The following CCSER1 variants were observed in gnomAD, a reference collection of about 807,000 sequenced individuals.
CCSER1 encodes the protein serine-rich coiled-coil domain-containing protein 1.
CCSER1 carries 41 observed loss-of-function variants against 82.0 expected under a neutral mutation model. The observed-to-expected ratio is 0.50, with a 90% CI of 0.39 to 0.65. The LOEUF (loss-of-function observed/expected upper bound fraction) is 0.65. Ranked by LOEUF, CCSER1 falls within the 30% of genes least tolerant of loss-of-function variation. The pLI is 0.00. For missense variants in CCSER1, 1,119 were observed against 1,064.2 expected (o/e 1.05, Z -0.72); for synonymous variants, 414 against 383.9 (o/e 1.08, Z -0.92).
chr4:90,742,721 A>G (rs1439543870), intron 7 of CCSER1, among the ~76,000 whole-genome samples: 3 of 152,240 alleles, frequency 2.0e-5, no homozygotes, highest in African/African-American at 7.2e-5. Flanking sequence ...TAATTTTGCC[A>G]TGCATGAAAT....
intron 9 of CCSER1, among the ~76,000 whole-genome samples, chr4:90,979,258 A>G (rs1168226441): frequency 6.6e-6 from 1 of 151,626 alleles, no homozygotes; most frequent in African/African-American, 2.4e-5. Flanking sequence ...CACATTACCT[A>G]AACATTTATT....
intron 3 of CCSER1, among the ~76,000 whole-genome samples, chr4:90,397,887 T>C (rs6834254): frequency 0.28 from 42,504 of 152,156 alleles, 9,252 homozygotes; most frequent in African/African-American, 0.61. Context: ...AGTTATGTGC[T>C]TTGCATTCAT....
At chr4:91,335,139 A>G (rs1055313797) in intron 10 of CCSER1, among the ~76,000 whole-genome samples, 1 of 152,042 alleles carries the variant, frequency 6.6e-6, no homozygotes, top group Non-Finnish European at 1.5e-5. Context: ...GGCTCTTTAT[A>G]GATTGTTCGT....
At chr4:90,495,893 G>T (rs1768917971) in intron 5 of CCSER1, among the ~76,000 whole-genome samples, 1 of 152,118 alleles carries the variant, frequency 6.6e-6, no homozygotes, top group African/African-American at 2.4e-5. Flanking sequence ...AAACCACTTT[G>T]CTTTTACCAC....
chr4:90,157,325 C>A (rs1728437486), intron 1 of CCSER1, among the ~76,000 whole-genome samples: 4 of 152,144 alleles, frequency 2.6e-5, no homozygotes, highest in African/African-American at 9.7e-5. Context: ...TTCATTTCAA[C>A]TTTGGTGAAT....
intron 10 of CCSER1, among the ~76,000 whole-genome samples, chr4:91,358,325 T>C (rs1489970683): frequency 1.4e-5 from 2 of 142,098 alleles, no homozygotes; most frequent in African/African-American, 5.3e-5. Flanking sequence ...TCCTCAATTC[T>C]TTCTTGAATT....
At chr4:90,363,877 A>G (rs1473787868) in intron 3 of CCSER1, among the ~76,000 whole-genome samples, 3 of 152,130 alleles carry the variant, frequency 2.0e-5, no homozygotes, top group Non-Finnish European at 4.4e-5. Flanking sequence ...TCATTCTGCA[A>G]AAAGATGGGA....
chr4:90,236,298 G>A (rs145072570), intron 1 of CCSER1, among the ~76,000 whole-genome samples: 22 of 152,236 alleles, frequency 1.4e-4, no homozygotes, highest in Middle Eastern at 3.4e-3. Flanking sequence ...TTAACTGAAA[G>A]CAAAAGCCTG....
rs1490211814 is a variant in CCSER1, at chr4:91,104,766, A to C, written c.2217+18772A>C. Among the ~76,000 whole-genome samples the C allele has an allele frequency of 3.3e-5, 5 of 152,190 alleles. No homozygotes were observed. The East Asian group carries it at 9.6e-4, about 29-fold the overall frequency. ...CCTCAAGCCTCCCTTCTTGGCTTGC[A>C]GATGACCACCTTCTTGCTGTGTTCT... On this transcript the variant is annotated intron_variant, in intron 10 of 10. Coordinates refer to ENST00000509176, the MANE Select transcript of CCSER1 (RefSeq NM_001145065.2).
intron 8 of CCSER1, among the ~76,000 whole-genome samples, chr4:90,872,065 G>A (rs1007740900): frequency 1.3e-5 from 2 of 151,604 alleles, no homozygotes; most frequent in Admixed American, 6.6e-5. Flanking sequence ...GTTTATGGGT[G>A]AAGTTTGTAT....
chr4:90,819,866 T>A (rs896032039), intron 8 of CCSER1, among the ~76,000 whole-genome samples: 7 of 152,212 alleles, frequency 4.6e-5, no homozygotes, highest in Non-Finnish European at 8.8e-5. Flanking sequence ...TTTTATTATG[T>A]CCAAAGGGAT....
At chr4:90,738,267 AT>A (rs758066336) in intron 7 of CCSER1, among the ~76,000 whole-genome samples, 6 of 152,038 alleles carry the variant, frequency 3.9e-5, no homozygotes, top group Non-Finnish European at 5.9e-5. Context: ...CTTTCCAGGT[AT>A]TCAAAGGGAC....
At chr4:90,326,055 C>CTTTTT (rs371592827) in intron 3 of CCSER1, among the ~76,000 whole-genome samples, 16 of 111,588 alleles carry the variant, frequency 1.4e-4, no homozygotes, top group East Asian at 2.5e-4. Flanking sequence ...TATGTGATAC[C>CTTTTT]TTTTTTTTTT....
intron 10 of CCSER1, among the ~76,000 whole-genome samples, chr4:91,314,321 A>G (rs1292778349): frequency 1.3e-5 from 2 of 151,832 alleles, no homozygotes; most frequent in Admixed American, 6.6e-5. Context: ...CTTTCCCCAT[A>G]TCTTCCTCAT....
chr4:91,465,440 G>T (rs1756831662), intron 10 of CCSER1, among the ~76,000 whole-genome samples: 1 of 152,076 alleles, frequency 6.6e-6, no homozygotes, highest in South Asian at 2.1e-4. Context: ...ACAATTAAAA[G>T]AACTAGAGAA....
chr4:90,619,657 T>C (rs946218875), intron 5 of CCSER1, among the ~76,000 whole-genome samples: 2 of 152,074 alleles, frequency 1.3e-5, no homozygotes, highest in Admixed American at 1.3e-4. Context: ...GTATTATTAC[T>C]TCAATAATAG....
chr4:91,556,846 G>T (rs1762431001), intron 10 of CCSER1, among the ~76,000 whole-genome samples: 1 of 151,146 alleles, frequency 6.6e-6, no homozygotes, highest in South Asian at 2.1e-4. Flanking sequence ...TTGAATGTAA[G>T]AATTATATGA....
chr4:90,205,430 G>A (rs1437217044), intron 1 of CCSER1, among the ~76,000 whole-genome samples: 8 of 151,892 alleles, frequency 5.3e-5, no homozygotes, highest in African/African-American at 9.7e-5. Flanking sequence ...AGGTATGAAG[G>A]CCTTTTCTGC....
chr4:90,953,363 C>T (rs77057760), intron 9 of CCSER1, among the ~76,000 whole-genome samples: 1,643 of 151,360 alleles, frequency 0.011, 13 homozygotes, highest in Non-Finnish European at 0.018. Context: ...TTTTAACAAA[C>T]ATAAATTTAG....
Sources: gnomAD v4.1 joint callset for allele counts (sites outside exome capture counted in the v4.1 genomes callset) on GRCh38, gnomAD v4.1.1 for gene constraint, MANE v1.5 for transcripts, NCBI Gene and HGNC (gene_info 2026-07-23, HGNC 2026-07-21) for gene names.